Variants in PACS2 observed in about 807,000 individuals in gnomAD.
The protein encoded by PACS2 is phosphofurin acidic cluster sorting protein 2, also known as PACS1-like protein.
Under a neutral mutation model 113.0 loss-of-function variants are expected in PACS2, and 36 were observed. The ratio of observed to expected loss-of-function variants is 0.32; its 90% CI spans 0.24 to 0.42. PACS2 has a LOEUF of 0.42. Among genes scored for constraint, PACS2 ranks in the 10% least tolerant of loss-of-function variants. The probability of loss-of-function intolerance (pLI) is 1.00; values close to 1 mark genes in which losing one functional copy is unlikely to be tolerated. For missense variants in PACS2, 1,015 were observed against 1,239.5 expected, an observed-to-expected ratio of 0.82 and a Z score of 2.72; for synonymous variants, 589 against 536.1, an observed-to-expected ratio of 1.10 and a Z score of -1.36.
upstream of PACS2, among the ~76,000 whole-genome samples, chr14:105,313,420 C>T (rs1237044591): frequency 6.6e-6 from 1 of 152,248 alleles, no homozygotes; most frequent in African/African-American, 2.4e-5. Flanking sequence ...GACAGACCCT[C>T]ATGGCTCTCA....
At chr14:105,322,153 G>C (rs917815439) in intron 1 of PACS2, among the ~76,000 whole-genome samples, 2 of 151,770 alleles carry the variant, frequency 1.3e-5, no homozygotes, top group African/African-American at 4.8e-5. Context: ...GGCCAGGCTG[G>C]TCTCGAACTC....
rs782090493 is a variant in PACS2 at position 105,391,646 on chromosome 14, C to T, written c.2135C>T (p.Ala712Val). 1.5e-5 allele frequency: 24 copies of T among 1,609,958 alleles called. No individual in the cohort carries two copies. Among genetic ancestry groups the T allele is most frequent in the East Asian group, 2.2e-5 (1 of 44,828 alleles). The change falls in exon 22 of 25, where the codon GCG (alanine) becomes GTG (valine). Residue 712 changes from alanine to valine, a missense_variant. This residue lies in a region of PACS2 where 859 missense variants were observed against 1,056.8 expected (regional missense o/e 0.81). Coordinates refer to ENST00000447393, the MANE Select transcript of PACS2 (RefSeq NM_001100913.3). The stretch of plus-strand genomic sequence containing the variant: ...CTCCCCAAAGGCGACTCGGACGACG[C>T]GGCCCCCTCGGGCTCTGGCACGCTC... Reference protein sequence around the residue: ...SSATSGDSDDAAPSGSGTLSS... With the variant: ...SSATSGDSDDVAPSGSGTLSS...
chr14:105,328,603 A>G (rs2059203000), intron 1 of PACS2, among the ~76,000 whole-genome samples: 2 of 152,170 alleles, frequency 1.3e-5, no homozygotes, highest in Admixed American at 1.3e-4. Flanking sequence ...TGCTGGAGGT[A>G]CTGCCTGGGG....
In PACS2 at chr14:105,317,904, C is replaced by T. The variant is rs925287184; in HGVS notation, c.119+2867C>T. Among the ~76,000 whole-genome samples the T allele has an allele frequency of 2.0e-5, 3 of 152,118 alleles. No individual in the cohort carries two copies. Among genetic ancestry groups the T allele is most frequent in the Admixed American group, 6.5e-5 (1 of 15,278 alleles). On this transcript the variant is annotated intron_variant, in intron 1 of 24. Coordinates refer to ENST00000447393, the MANE Select transcript of PACS2 (RefSeq NM_001100913.3). This position sits in a 1 kb window ranked among gnomAD's most constrained non-coding sequence, Gnocchi z 4.2. ...GCTGTTGTTGGGGAGGCCTGTGCTC[C>T]GGGTTTCCTTGCGACGCTTTTGGCT...
intron 18 of PACS2, among the ~76,000 whole-genome samples, chr14:105,385,189 C>T (rs1273106272): frequency 2.6e-5 from 4 of 152,216 alleles, no homozygotes; most frequent in Non-Finnish European, 2.9e-5. Flanking sequence ...TCATAGTAAG[C>T]GCCATTTCCG....
At chr14:105,375,145 C>T (rs1555410092) in intron 8 of PACS2, among the ~76,000 whole-genome samples, 1 of 151,822 alleles carries the variant, frequency 6.6e-6, no homozygotes, top group Admixed American at 6.6e-5. Context: ...CAAAGCAAGA[C>T]CCTTTCTCAA....
intron 3 of PACS2, among the ~76,000 whole-genome samples, chr14:105,353,742 T>C (rs587598948): frequency 9.2e-4 from 139 of 151,858 alleles, no homozygotes; most frequent in Non-Finnish European, 1.4e-3. Flanking sequence ...TACAGGCATG[T>C]GCCACCACGC....
intron 1 of PACS2, among the ~76,000 whole-genome samples, chr14:105,307,556 G>A (rs985678674): frequency 6.6e-6 from 1 of 152,074 alleles, no homozygotes; most frequent in Non-Finnish European, 1.5e-5. Context: ...CTCTGTGTCT[G>A]TCATCTTATC....
At chr14:105,359,747 A>G (rs2060605052) in intron 4 of PACS2, among the ~76,000 whole-genome samples, 2 of 151,800 alleles carry the variant, frequency 1.3e-5, no homozygotes, top group African/African-American at 4.8e-5. Context: ...GCCCGCCACT[A>G]CGCCTGGCTA....
chr14:105,332,837 T>C (rs1403551367), intron 1 of PACS2, among the ~76,000 whole-genome samples: 1 of 152,162 alleles, frequency 6.6e-6, no homozygotes, highest in African/African-American at 2.4e-5. Flanking sequence ...GGGAGCAGCC[T>C]TGATTCCTAA....
rs587699063 is a variant in PACS2, at chr14:105,336,107, C to T, written c.120-12386C>T. ...GCTCCCACGCGGGCAGGCTCGCGAC[C>T]GCACCAAGGGGGCAGCTCCTGGAGA... On this transcript the variant is annotated intron_variant, in intron 1 of 24. Coordinates refer to ENST00000447393, the MANE Select transcript of PACS2 (RefSeq NM_001100913.3). 6.3e-4 allele frequency among the ~76,000 whole-genome samples: 96 copies of T among 152,338 alleles called. 1 individual carries two copies. Among genetic ancestry groups the T allele is most frequent in the African/African-American group, 1.8e-3 (73 of 41,584 alleles).
At chr14:105,316,731 T>C (rs1465818608) in intron 1 of PACS2, among the ~76,000 whole-genome samples, 2 of 146,418 alleles carry the variant, frequency 1.4e-5, no homozygotes, top group Non-Finnish European at 3.0e-5. Flanking sequence ...TCGAGAAGCC[T>C]GGTTAGGACA....
At chr14:105,314,286 GAC>G (rs1054059345), upstream of PACS2, 1 of 151,848 alleles carries the variant, frequency 6.6e-6, no homozygotes, top group Non-Finnish European at 1.5e-5. Flanking sequence ...GGGGCGGGGA[GAC>G]TCGGGGCATG....
intron 20 of PACS2, chr14:105,390,863 G>C: frequency 2.7e-6 from 1 of 368,564 alleles, no homozygotes; most frequent in South Asian, 3.6e-5. Flanking sequence ...GCTCGTGGCT[G>C]CCAGGTCCGG....
In PACS2 at chr14:105,391,685, C is replaced by T. The variant is rs147461490; in HGVS notation, c.2174C>T (p.Pro725Leu). 71,749 of 1,608,222 alleles carry T rather than the reference C, an allele frequency of 0.045. 1,899 individuals carry two copies. Among genetic ancestry groups the T allele is most frequent in the Non-Finnish European group, 0.049 (57,848 of 1,178,066 alleles). Residue 725 changes from proline (P) to leucine (L), a missense_variant, in exon 22 of 25, where the codon CCG (proline) becomes CTG (leucine). Pro to Leu is a moderately conservative substitution (Grantham distance 98). Coordinates refer to ENST00000447393, the MANE Select transcript of PACS2 (RefSeq NM_001100913.3). Reference protein sequence around the residue: ...SGSGTLSSTPPSASPAAKEAS... With the variant: ...SGSGTLSSTPLSASPAAKEAS... ...TCTGGCACGCTCTCCTCCACCCCGC[C>T]GTCCGCATCTCCTGCGGCCAAGGAG...
intron 24 of PACS2, among the ~76,000 whole-genome samples, chr14:105,394,060 GT>G (rs373527717): frequency 0.025 from 3,833 of 150,858 alleles, 180 homozygotes; most frequent in African/African-American, 0.088. Flanking sequence ...AAAAAAAGGG[GT>G]TTTGGAGAAG....
rs1555416268 is a variant in PACS2 at position 105,395,216 on chromosome 14, T to C, written c.*544T>C. On this transcript the variant is annotated 3_prime_UTR_variant, in exon 25 of 25. Transcript: ENST00000447393. ...CGGAGGTTTTATAGCAGCAGATATT[T>C]TTAATGCTTTTCAATACATGTTCTA... 6.5e-6 allele frequency: 1 copy of C among 153,442 alleles called. No individual in the cohort carries two copies. Among genetic ancestry groups the C allele is most frequent in the East Asian group, 1.9e-4 (1 of 5,216 alleles). The allele number at this position is 153,442 out of a possible 1,614,324, so 9.5% of individuals were successfully genotyped here. A position where few individuals can be genotyped will look rare whatever the true frequency, so the allele number is the denominator to read the frequency against.
intron 20 of PACS2, chr14:105,391,002 G>C: frequency 1.7e-6 from 1 of 605,508 alleles, no homozygotes; most frequent in Non-Finnish European, 3.0e-6. Context: ...CACGCACCCT[G>C]AGCACTGTCT....
chr14:105,392,577 C>G, intron 22 of PACS2, 42 bp from the exon 23 acceptor site: 1 of 1,512,606 alleles, frequency 6.6e-7, no homozygotes, highest in Non-Finnish European at 9.0e-7. Flanking sequence ...CATCACTAGG[C>G]CCAAAGATGC....
Sources: gnomAD v4.1 joint callset for allele counts (sites outside exome capture counted in the v4.1 genomes callset) on GRCh38, gnomAD v4.1.1 for gene constraint, gnomAD v4.1.1 regional missense constraint, Gnocchi (gnomAD v3.1) non-coding constraint, MANE v1.5 for transcripts, NCBI Gene and HGNC (gene_info 2026-07-23, HGNC 2026-07-21) for gene names.